Variants in SI observed in about 807,000 individuals in gnomAD.
The protein encoded by SI is sucrase-isomaltase.
SI carries 235 observed loss-of-function variants against 253.3 expected under a neutral mutation model. The ratio of observed to expected loss-of-function variants is 0.93; its 90% confidence interval spans 0.83 to 1.03. The LOEUF (loss-of-function observed/expected upper bound fraction) is 1.03. SI is among the 50% of genes least tolerant of loss of function. The probability of loss-of-function intolerance (pLI) is 0.00; values close to 1 mark genes in which losing one functional copy is unlikely to be tolerated. For missense variants in SI, 2,442 were observed against 2,211.1 expected (o/e 1.10, Z -2.09); for synonymous variants, 819 against 712.0 (o/e 1.15, Z -2.39).
rs1714082455 is a variant in SI at position 165,063,547 on chromosome 3, AGGCAAGAATTT to A, written c.808-17_808-7del. On this transcript the variant is annotated splice_region_variant and splice_polypyrimidine_tract_variant and intron_variant, in intron 7 of 47. Transcript: ENST00000264382. ...CCGTATAAATTATTATTATTCTATAAGGCAAGAATTTGAAAATACGATTTTCAAATATGTTT... is the reference window on the plus strand; with the variant it reads ...CCGTATAAATTATTATTATTCTATAAGAAAATACGATTTTCAAATATGTTT... 7.9e-7 allele frequency: 1 copy of A among 1,266,352 alleles called. No homozygotes were observed. Among genetic ancestry groups the A allele is most frequent in the South Asian group, 1.3e-5 (1 of 79,838 alleles). 78.4% of individuals were successfully genotyped at this position (1,266,352 alleles called of 1,614,324 possible).
intron 37 of SI, among the ~76,000 whole-genome samples, chr3:165,004,282 C>T (rs1158084677): frequency 6.6e-6 from 1 of 151,998 alleles, no homozygotes; most frequent in African/African-American, 2.4e-5. Flanking sequence ...TGGCTTTTAT[C>T]CAAAAGACAG....
intron 9 of SI, 52 bp from the exon 10 acceptor site, chr3:165,060,079 C>T: frequency 6.6e-7 from 1 of 1,509,340 alleles, no homozygotes; most frequent in Non-Finnish European, 9.2e-7. Context: ...ATATATTTAG[C>T]ATTAATAACC....
In SI at chr3:165,040,949, A is replaced by T. The variant is rs188320908; in HGVS notation, c.2150T>A (p.Val717Asp). Reference sequence around the variant, plus strand: ...TGTACGTAGTACTCACTCATGAAGAACTGGTCTTGCTACTGTTTCTCCAAA... The same window carrying T: ...TGTACGTAGTACTCACTCATGAAGATCTGGTCTTGCTACTGTTTCTCCAAA... ...HVFGETVARP[V>D]LHEFYEDTNS... The change falls in exon 18 of 48, where the codon GTT becomes GAT. Residue 717 changes from valine (V) to aspartate (D), a missense_variant. By Grantham distance (152) the Val-to-Asp change is radical (BLOSUM62 -3). Coordinates refer to ENST00000264382, the MANE Select transcript of SI (RefSeq NM_001041.4). 1.7e-4 allele frequency: 269 copies of T among 1,610,218 alleles called. No individual in the cohort carries two copies. The highest frequency in any genetic ancestry group is 3.2e-4 in the Admixed American group (19 of 59,928).
chr3:165,008,073 AAAGT>A (rs1718601736), intron 35 of SI, 75 bp from the exon 36 acceptor site: 2 of 777,530 alleles, frequency 2.6e-6, no homozygotes, highest in East Asian at 2.6e-5. Context: ...GCTAGTTCAA[AAAGT>A]AAGTAGGTTA....
chr3:165,062,730 A>G (rs1560014045), intron 8 of SI, among the ~76,000 whole-genome samples: 1 of 152,024 alleles, frequency 6.6e-6, no homozygotes, highest in Non-Finnish European at 1.5e-5. Flanking sequence ...GCTCCCCTGG[A>G]TATTGTGTTG....
chr3:165,054,249 A>G (rs1713575716), intron 13 of SI, among the ~76,000 whole-genome samples: 1 of 152,168 alleles, frequency 6.6e-6, no homozygotes, highest in South Asian at 2.1e-4. Flanking sequence ...AGTCATCCTT[A>G]GTGTGTCCAT....
At chr3:165,017,699 T>C (rs1719104877) in intron 30 of SI, 26 bp from the exon 31 acceptor site, 1 of 1,609,670 alleles carries the variant, frequency 6.2e-7, no homozygotes, top group African/African-American at 1.3e-5. Context: ...ATGTGTGAAC[T>C]AAGAGAATTA....
At chr3:165,044,771 T>C (rs1411421449) in intron 16 of SI, among the ~76,000 whole-genome samples, 1 of 152,016 alleles carries the variant, frequency 6.6e-6, no homozygotes, top group Non-Finnish European at 1.5e-5. Context: ...AATTTATGTA[T>C]GTTTCTCTTA....
At chr3:164,994,197 T>G in intron 41 of SI, 60 bp downstream of exon 41, 2 of 1,452,252 alleles carry the variant, frequency 1.4e-6, no homozygotes, top group Non-Finnish European at 1.9e-6. Context: ...TAAGAGATCA[T>G]TGGGTAAATT....
At chr3:165,054,779 C>A (rs1713611487) in intron 13 of SI, among the ~76,000 whole-genome samples, 1 of 152,134 alleles carries the variant, frequency 6.6e-6, no homozygotes, top group African/African-American at 2.4e-5. Flanking sequence ...AAAGAGAAGT[C>A]TCTAAAGGGC....
chr3:165,043,221 A>C, intron 16 of SI, 46 bp from the exon 17 acceptor site: 1 of 1,349,310 alleles, frequency 7.4e-7, no homozygotes, highest in Non-Finnish European at 1.0e-6. Context: ...AGATTCTCAA[A>C]TTTGCCTAGA....
At chr3:165,027,836 C>T (rs898673462) in intron 25 of SI, among the ~76,000 whole-genome samples, 2 of 151,500 alleles carry the variant, frequency 1.3e-5, no homozygotes, top group Non-Finnish European at 3.0e-5. Flanking sequence ...CAACGTAATA[C>T]TGAATGGGGA....
rs776059197 is a variant in SI at position 165,074,555 on chromosome 3, G to A, written c.231C>T (p.Cys77=). The change falls in exon 3 of 48, where the codon TGC becomes TGT. Residue 77 remains cysteine (C), a synonymous_variant. Transcript: ENST00000264382. ...LNDPVNVRIN[C]IPEQFPTEGI... is the part of the protein sequence containing the mutation. ...CCTCTGTTGGGAATTGTTCTGGAAT[G>A]CAGTTTATTCTCACATTGACAGGAT... The A allele has an allele frequency of 3.7e-5, 60 of 1,608,046 alleles. 1 individual carries two copies. In the South Asian group the frequency reaches 5.7e-4, roughly 15 times the overall value.
chr3:165,035,572 G>T (rs1331128579), intron 22 of SI, among the ~76,000 whole-genome samples: 1 of 151,360 alleles, frequency 6.6e-6, no homozygotes, highest in Non-Finnish European at 1.5e-5. Flanking sequence ...AAGGCATTTA[G>T]GATAGTCTTT....
chr3:165,021,356 C>T lies in SI; in HGVS notation c.3127G>A (p.Glu1043Lys). ...KIYDPQKKRY[E>K]VPVPLNIPTT... ...GGAATGTTTAACGGTACTGGTACTT[C>T]ATATCTCTTCTTTTGGGGATCATAA... The change falls in exon 27 of 48, where the codon GAA becomes AAA. Residue 1043 changes from glutamate (E) to lysine (K), a missense_variant. Transcript: ENST00000264382. 6.2e-7 allele frequency: 1 copy of T among 1,610,462 alleles called. No individual in the cohort carries two copies. The highest frequency in any genetic ancestry group is 1.3e-5 in the African/African-American group (1 of 74,770).
intron 4 of SI, 75 bp downstream of exon 4, chr3:165,069,000 TCTA>T: frequency 9.0e-7 from 1 of 1,111,516 alleles, no homozygotes; most frequent in Non-Finnish European, 1.4e-6. Context: ...CTTATTTGAT[TCTA>T]TTTAAGGTAT....
At chr3:164,980,379 CT>C (rs1202015045) in intron 47 of SI, among the ~76,000 whole-genome samples, 2 of 151,804 alleles carry the variant, frequency 1.3e-5, no homozygotes, top group Non-Finnish European at 2.9e-5. Context: ...GCTTTTAATA[CT>C]TTTTACATAA....
chr3:165,055,377 T>C, intron 12 of SI, 70 bp from the exon 13 acceptor site: 1 of 883,538 alleles, frequency 1.1e-6, no homozygotes, highest in South Asian at 1.5e-5. Flanking sequence ...TTCAAATTAA[T>C]AAAGTTGAGA....
intron 40 of SI, among the ~76,000 whole-genome samples, chr3:164,995,730 C>T (rs1717979696): frequency 6.6e-6 from 1 of 151,690 alleles, no homozygotes; most frequent in Non-Finnish European, 1.5e-5. Flanking sequence ...GAGCACTTTT[C>T]CTAAAGCAGA....
Sources: gnomAD v4.1 joint callset for allele counts (sites outside exome capture counted in the v4.1 genomes callset) on GRCh38, gnomAD v4.1.1 for gene constraint, MANE v1.5 for transcripts, NCBI Gene and HGNC (gene_info 2026-07-23, HGNC 2026-07-21) for gene names.